The following SERPINB10 variants were observed in gnomAD, a reference collection of about 807,000 sequenced individuals.
SERPINB10 encodes serpin family B member 10, also known as serpin B10.
SERPINB10 carries 35 observed loss-of-function variants against 39.1 expected under a neutral mutation model. The observed-to-expected ratio is 0.90, with a 90% CI of 0.68 to 1.19. SERPINB10 has a LOEUF of 1.19. Ranked by LOEUF, SERPINB10 falls within the 50% of genes most tolerant of loss-of-function variation. SERPINB10 has a pLI of 0.00. For synonymous variants in SERPINB10, 190 were observed against 158.1 expected (o/e 1.20, Z -1.52); for missense variants, 546 against 460.5 (o/e 1.19, Z -1.70).
At position 63,935,208 on chromosome 18, in the gene SERPINB10, C is replaced by T. The variant is rs200824140; in HGVS notation, c.1160C>T (p.Thr387Ile). 6.1e-5 allele frequency: 97 copies of T among 1,602,436 alleles called. No individual in the cohort carries two copies. Among genetic ancestry groups the T allele is most frequent in the Non-Finnish European group, 8.0e-5 (94 of 1,174,668 alleles). The change falls in exon 8 of 8, where the codon ACC becomes ATC. Residue 387 changes from threonine to isoleucine, a missense_variant. Physicochemically the swap from Thr to Ile is moderately conservative, Grantham distance 89. Transcript: ENST00000238508. Reference sequence around the variant, plus strand: ...TTCATCAGGCACAATAAAACCAACACCATTCTTTTTTATGGAAGATTATGC... The same window carrying T: ...TTCATCAGGCACAATAAAACCAACATCATTCTTTTTTATGGAAGATTATGC... ...LFFIRHNKTN[T>I]ILFYGRLCSP
chr18:63,933,776 C>G (rs1024867064), intron 7 of SERPINB10, among the ~76,000 whole-genome samples: 1 of 152,184 alleles, frequency 6.6e-6, no homozygotes. Flanking sequence ...TTAATCTGGA[C>G]ACAACTTTTG....
chr18:63,927,455 C>T (rs372764043), intron 5 of SERPINB10, among the ~76,000 whole-genome samples: 1 of 152,080 alleles, frequency 6.6e-6, no homozygotes, highest in African/African-American at 2.4e-5. Context: ...CTGGGAAGTC[C>T]GCAATCAAGG....
At chr18:63,919,691 T>TCTCGG in intron 4 of SERPINB10, 97 bp from the exon 5 acceptor site, 1 of 778,528 alleles carries the variant, frequency 1.3e-6, no homozygotes, top group Admixed American at 2.3e-5. Context: ...GAGTGTGCAA[T>TCTCGG]TGCCCGCCTA....
intron 1 of SERPINB10, among the ~76,000 whole-genome samples, chr18:63,910,359 T>C (rs962288372): frequency 6.6e-6 from 1 of 151,988 alleles, no homozygotes; most frequent in Non-Finnish European, 1.5e-5. Context: ...GTTAGAAGGG[T>C]ATAATGTGTG....
At chr18:63,922,920 C>G (rs2050156457) in intron 5 of SERPINB10, among the ~76,000 whole-genome samples, 1 of 151,836 alleles carries the variant, frequency 6.6e-6, no homozygotes, top group African/African-American at 2.4e-5. Context: ...TAGTGGCCAC[C>G]ATATTAGACA....
chr18:63,920,872 G>T (rs946070896), intron 5 of SERPINB10, among the ~76,000 whole-genome samples: 1 of 151,828 alleles, frequency 6.6e-6, no homozygotes, highest in Non-Finnish European at 1.5e-5. Context: ...AAATTTCAGG[G>T]TTTTATTTCT....
Position 63,910,599 on chromosome 18 carries a change from T to G in SERPINB10, c.-10+2559T>G, listed in dbSNP as rs572575723. Among the ~76,000 whole-genome samples, 19 of 152,160 alleles carry G rather than the reference T, an allele frequency of 1.2e-4. No individual in the cohort carries two copies. In the East Asian group the frequency reaches 3.7e-3, roughly 29 times the overall value. On this transcript the variant is annotated intron_variant, in intron 1 of 7. Transcript: ENST00000238508. ...ATTTGCTTAGGATAACAGCCTCTAG[T>G]GCATCCATGTTGCAGCAAGAGACAT...
chr18:63,919,987 T>C (rs1279932871), intron 5 of SERPINB10, 82 bp downstream of exon 5: 17 of 745,366 alleles, frequency 2.3e-5, no homozygotes, highest in Non-Finnish European at 3.6e-5. Flanking sequence ...TATGTAAGTA[T>C]GTATACTCCT....
Position 63,934,835 on chromosome 18 carries a change from C to T in SERPINB10, c.790-3C>T. 4 of 1,586,180 alleles carry T rather than the reference C, an allele frequency of 2.5e-6. No homozygotes were observed. Among genetic ancestry groups the T allele is most frequent in the East Asian group, 2.2e-5 (1 of 44,588 alleles). On this transcript the variant is annotated splice_region_variant and splice_polypyrimidine_tract_variant and intron_variant, in intron 7 of 7. Transcript: ENST00000238508. ...TCTTTCTTTCTTGGTTCCAAATGGGCAGCTGGAAAAGGCCATCACCTATGA... is the reference window on the plus strand; with the variant it reads ...TCTTTCTTTCTTGGTTCCAAATGGGTAGCTGGAAAAGGCCATCACCTATGA...
chr18:63,921,097 GATATT>G (rs1392348363), intron 5 of SERPINB10, among the ~76,000 whole-genome samples: 3 of 151,838 alleles, frequency 2.0e-5, no homozygotes, highest in South Asian at 4.1e-4. Flanking sequence ...CATTTCAATT[GATATT>G]ATATTATATC....
Position 63,917,445 on chromosome 18 carries a change from T to G in SERPINB10, c.169-11T>G. 6.5e-7 allele frequency: 1 copy of G among 1,533,044 alleles called. No individual in the cohort carries two copies. The highest frequency in any genetic ancestry group is 8.8e-7 in the Non-Finnish European group (1 of 1,130,886). 95.0% of individuals were successfully genotyped at this position (1,533,044 alleles called of 1,614,324 possible). ...GCAGTCTATTCATTTGTATTTTTATTGAAATTACAGGTGCTTCAATTTAAC... is the reference window on the plus strand; with the variant it reads ...GCAGTCTATTCATTTGTATTTTTATGGAAATTACAGGTGCTTCAATTTAAC... On this transcript the variant is annotated splice_polypyrimidine_tract_variant and intron_variant, in intron 2 of 7. Coordinates refer to ENST00000238508, the MANE Select transcript of SERPINB10 (RefSeq NM_005024.3).
intron 5 of SERPINB10, among the ~76,000 whole-genome samples, chr18:63,923,498 A>T (rs1253707628): frequency 6.6e-6 from 1 of 151,918 alleles, no homozygotes; most frequent in Non-Finnish European, 1.5e-5. Flanking sequence ...ATCCAGCATC[A>T]TTAATAAAAA....
At position 63,919,913 on chromosome 18, in the gene SERPINB10, T is replaced by G. The variant is rs2050134549; in HGVS notation, c.490+8T>G. 1.3e-6 allele frequency: 2 copies of G among 1,564,846 alleles called. No individual in the cohort carries two copies. The highest frequency in any genetic ancestry group is 1.7e-6 in the Non-Finnish European group (2 of 1,144,814). On this transcript the variant is annotated splice_region_variant and intron_variant, in intron 5 of 7. Coordinates refer to ENST00000238508, the MANE Select transcript of SERPINB10 (RefSeq NM_005024.3). ...TTGAAAGACAGACCGAGGGTAAGCTTTCACCAAGGGGTTTGGCAGCGTGCT... is the reference window on the plus strand; with the variant it reads ...TTGAAAGACAGACCGAGGGTAAGCTGTCACCAAGGGGTTTGGCAGCGTGCT...
At chr18:63,915,012 G>A (rs2050091039) in intron 1 of SERPINB10, among the ~76,000 whole-genome samples, 1 of 152,004 alleles carries the variant, frequency 6.6e-6, no homozygotes, top group Non-Finnish European at 1.5e-5. Context: ...AATTAAAAAT[G>A]GTAGTTACAG....
rs1488830267 is a variant in SERPINB10, at chr18:63,935,511, A to C, written c.*269A>C. ...TCAGAAGTACTATGCTATTCAACTG[A>C]ATGCCTTACAATTCTTGATCACTTG... On this transcript the variant is annotated 3_prime_UTR_variant, in exon 8 of 8. Coordinates refer to ENST00000238508, the MANE Select transcript of SERPINB10 (RefSeq NM_005024.3). The C allele has an allele frequency of 6.0e-6, 2 of 331,852 alleles. No homozygotes were observed. Among genetic ancestry groups the C allele is most frequent in the Non-Finnish European group, 1.1e-5 (2 of 183,394 alleles). The allele number at this position is 331,852 out of a possible 1,614,324, so 20.6% of individuals were successfully genotyped here. A position where few individuals can be genotyped will look rare whatever the true frequency, so the allele number is the denominator to read the frequency against.
intron 6 of SERPINB10, among the ~76,000 whole-genome samples, chr18:63,932,420 G>T (rs112391912): frequency 1.1e-3 from 173 of 152,166 alleles, no homozygotes; most frequent in African/African-American, 3.7e-3. Flanking sequence ...AGCATTTGGT[G>T]TTTCATATTT....
At chr18:63,931,144 T>C (rs1019806497) in intron 6 of SERPINB10, among the ~76,000 whole-genome samples, 3 of 152,180 alleles carry the variant, frequency 2.0e-5, no homozygotes, top group African/African-American at 7.2e-5. Flanking sequence ...GGGAATTGTA[T>C]TGGAATTAGC....
intron 2 of SERPINB10, among the ~76,000 whole-genome samples, chr18:63,916,877 CT>C (rs1188852739): frequency 6.6e-6 from 1 of 151,978 alleles, no homozygotes; most frequent in Non-Finnish European, 1.5e-5. Context: ...GGGTCCAGGA[CT>C]TGGCAGATAA....
At chr18:63,914,077 A>G (rs1243493709) in intron 1 of SERPINB10, among the ~76,000 whole-genome samples, 1 of 152,072 alleles carries the variant, frequency 6.6e-6, no homozygotes, top group East Asian at 1.9e-4. Flanking sequence ...CTGATATAAG[A>G]ATAGCACCCA....
Sources: allele counts gnomAD v4.1 joint callset (sites outside exome capture counted in the v4.1 genomes callset), GRCh38; gene constraint gnomAD v4.1.1; transcripts MANE v1.5; gene names NCBI Gene and HGNC (gene_info 2026-07-23, HGNC 2026-07-21).